The following NR1H4 variants were observed in gnomAD, a reference collection of about 807,000 sequenced individuals.
NR1H4 encodes the protein bile acid receptor.
Under a neutral mutation model 58.5 loss-of-function variants are expected in NR1H4, and 23 were observed. The observed-to-expected ratio is 0.39, with a 90% CI of 0.28 to 0.56. The LOEUF is 0.56. Among genes scored for constraint, NR1H4 ranks in the 20% least tolerant of loss-of-function variants. NR1H4 has a pLI of 0.58. For missense variants in NR1H4, 487 were observed against 576.9 expected (o/e 0.84, Z 1.60); for synonymous variants, 214 against 198.0 (o/e 1.08, Z -0.68).
At chr12:100,561,449 G>A (rs1233032103) in intron 9 of NR1H4, among the ~76,000 whole-genome samples, 1 of 152,134 alleles carries the variant, frequency 6.6e-6, no homozygotes, top group Non-Finnish European at 1.5e-5. Flanking sequence ...ATTTAGAAAT[G>A]AAGCTGTCTA....
At chr12:100,504,625 C>G (rs1953915101) in intron 3 of NR1H4, among the ~76,000 whole-genome samples, 1 of 152,174 alleles carries the variant, frequency 6.6e-6, no homozygotes, top group Non-Finnish European at 1.5e-5. Flanking sequence ...TATGCAGTTT[C>G]CATTCTTTGT....
intron 8 of NR1H4, among the ~76,000 whole-genome samples, chr12:100,538,626 C>T (rs1593112167): frequency 1.3e-5 from 2 of 152,154 alleles, no homozygotes; most frequent in Middle Eastern, 3.4e-3. Flanking sequence ...ATTGAAATCC[C>T]GTAGTCTAGA....
intron 3 of NR1H4, among the ~76,000 whole-genome samples, chr12:100,506,580 A>C (rs1189818960): frequency 6.6e-6 from 1 of 152,120 alleles, no homozygotes; most frequent in Non-Finnish European, 1.5e-5. Flanking sequence ...ATCTTGGCTC[A>C]TCACTGCAGG....
rs187236996 is a variant in NR1H4 at position 100,561,525 on chromosome 12, T to A, written c.1079-360T>A. ...TAAGATGTGATCTCTGCCTTAATTATCGATAGTCATATTCAAAAGATTCAC... is the reference window on the plus strand; with the variant it reads ...TAAGATGTGATCTCTGCCTTAATTAACGATAGTCATATTCAAAAGATTCAC... On this transcript the variant is annotated intron_variant, in intron 9 of 10. Transcript: ENST00000392986. Among the ~76,000 whole-genome samples the A allele has an allele frequency of 1.6e-4, 25 of 152,342 alleles. 1 individual carries two copies. The highest frequency in any genetic ancestry group is 5.9e-5 in the Non-Finnish European group (4 of 68,024).
chr12:100,556,992 A>T (rs1955343809), intron 9 of NR1H4, among the ~76,000 whole-genome samples: 1 of 151,932 alleles, frequency 6.6e-6, no homozygotes, highest in Non-Finnish European at 1.5e-5. Context: ...GTTAGAAGTA[A>T]TTTTTTTCCT....
At chr12:100,528,304 T>A (rs1333795027) in intron 4 of NR1H4, among the ~76,000 whole-genome samples, 3 of 151,864 alleles carry the variant, frequency 2.0e-5, no homozygotes, top group Non-Finnish European at 2.9e-5. Flanking sequence ...GAAGCAGAGG[T>A]TGCAGTGAGC....
chr12:100,522,469 G>T (rs1363704870), intron 4 of NR1H4, among the ~76,000 whole-genome samples: 1 of 151,856 alleles, frequency 6.6e-6, no homozygotes, highest in Non-Finnish European at 1.5e-5. Context: ...ATTATCATTG[G>T]GTTGTTGTGA....
At chr12:100,505,017 G>A (rs192485696) in intron 3 of NR1H4, among the ~76,000 whole-genome samples, 5 of 152,210 alleles carry the variant, frequency 3.3e-5, no homozygotes, top group Admixed American at 3.3e-4. Flanking sequence ...CATCACAAAG[G>A]CCTGATGCCA....
Position 100,547,953 on chromosome 12 carries a change from C to G in NR1H4, c.1078+7135C>G, listed in dbSNP as rs1393463323. On this transcript the variant is annotated intron_variant, in intron 9 of 10. Coordinates refer to ENST00000392986, the MANE Select transcript of NR1H4 (RefSeq NM_001206979.2). ...GCCAGGATGGTCTCGATCTCCTGAC[C>G]TCATGATTCGCCCGCCTTGGCCTCC... 2.0e-5 allele frequency among the ~76,000 whole-genome samples: 3 copies of G among 151,216 alleles called. No individual in the cohort carries two copies. The East Asian group carries it at 6.0e-4, about 30-fold the overall frequency.
intron 1 of NR1H4, among the ~76,000 whole-genome samples, chr12:100,475,460 C>T (rs943225401): frequency 6.6e-6 from 1 of 152,158 alleles, no homozygotes; most frequent in African/African-American, 2.4e-5. Context: ...AATTTCCCAC[C>T]ACGTACCTCT....
chr12:100,497,968 A>G (rs1014775630), intron 3 of NR1H4, among the ~76,000 whole-genome samples: 8 of 152,178 alleles, frequency 5.3e-5, no homozygotes, highest in Non-Finnish European at 1.2e-4. Context: ...CCCACACCCA[A>G]TGTTCCTGGG....
intron 1 of NR1H4, among the ~76,000 whole-genome samples, chr12:100,490,496 G>A (rs1056950287): frequency 3.9e-5 from 6 of 152,084 alleles, no homozygotes; most frequent in African/African-American, 2.4e-5. Context: ...CTTTCTGACC[G>A]TTCACATTGT....
At chr12:100,474,547 T>TA (rs1401638920) in intron 1 of NR1H4, among the ~76,000 whole-genome samples, 1 of 152,226 alleles carries the variant, frequency 6.6e-6, no homozygotes, top group African/African-American at 2.4e-5. Flanking sequence ...GAAAAAGTCT[T>TA]CTTTCTTGAC....
chr12:100,555,426 TTGTA>T (rs1231301304), intron 9 of NR1H4, among the ~76,000 whole-genome samples: 1 of 152,188 alleles, frequency 6.6e-6, no homozygotes, highest in Admixed American at 6.5e-5. Flanking sequence ...ATCAGCCAGT[TTGTA>T]TTTATCCCCA....
At chr12:100,503,338 C>T (rs1361372402) in intron 3 of NR1H4, 25 of 1,572,948 alleles carry the variant, frequency 1.6e-5, no homozygotes, top group Non-Finnish European at 2.1e-5. Flanking sequence ...CCTCTGTCCT[C>T]TCTCACTCCT....
At chr12:100,531,573 A>C (rs1954693963) in intron 4 of NR1H4, among the ~76,000 whole-genome samples, 1 of 152,268 alleles carries the variant, frequency 6.6e-6, no homozygotes, top group Non-Finnish European at 1.5e-5. Context: ...ACCAGCTTAC[A>C]GAAATACTAG....
At chr12:100,481,467 C>T (rs1453513257) in intron 1 of NR1H4, among the ~76,000 whole-genome samples, 7 of 152,268 alleles carry the variant, frequency 4.6e-5, no homozygotes, top group Admixed American at 1.3e-4. Flanking sequence ...ACGGGAAATT[C>T]GCGAGATTAA....
chr12:100,524,270 T>G (rs1166050212), intron 4 of NR1H4, among the ~76,000 whole-genome samples: 2 of 151,898 alleles, frequency 1.3e-5, no homozygotes, highest in Non-Finnish European at 2.9e-5. Context: ...AGTTTGGAGG[T>G]GAAAGGTTTA....
chr12:100,563,852 C>T lies in NR1H4; in HGVS notation c.*363C>T, dbSNP rs1372692448. 1 of 187,876 alleles carries T rather than the reference C, an allele frequency of 5.3e-6. No homozygotes were observed. Among genetic ancestry groups the T allele is most frequent in the Non-Finnish European group, 1.1e-5 (1 of 90,584 alleles). 11.6% of individuals were successfully genotyped at this position (187,876 alleles called of 1,614,324 possible). A position where few individuals can be genotyped will look rare whatever the true frequency, so the allele number is the denominator to read the frequency against. On this transcript the variant is annotated 3_prime_UTR_variant, in exon 11 of 11. Coordinates refer to ENST00000392986, the MANE Select transcript of NR1H4 (RefSeq NM_001206979.2). ...TATTCAATCTTGGCAATAAAGCAAACATAATGGCAACAGGATTTTCTTTGG... is the reference window on the plus strand; with the variant it reads ...TATTCAATCTTGGCAATAAAGCAAATATAATGGCAACAGGATTTTCTTTGG...
Sources: allele counts gnomAD v4.1 joint callset (sites outside exome capture counted in the v4.1 genomes callset), GRCh38; gene constraint gnomAD v4.1.1; transcripts MANE v1.5; gene names NCBI Gene and HGNC (gene_info 2026-07-23, HGNC 2026-07-21).